The following MAMLD1 variants were observed in gnomAD, a reference collection of about 807,000 sequenced individuals.
MAMLD1 encodes the protein mastermind like domain containing 1, also known as mastermind-like domain-containing protein 1.
A neutral mutation model predicts 45.0 loss-of-function variants in MAMLD1; 14 were observed. That is an observed-to-expected ratio of 0.31 (90% CI 0.21 to 0.49). MAMLD1 has a LOEUF of 0.49. MAMLD1 is among the 20% of genes least tolerant of loss of function. MAMLD1 has a pLI of 0.99. For synonymous variants in MAMLD1, 254 were observed against 247.8 expected, an observed-to-expected ratio of 1.02 and a Z score of -0.24; for missense variants, 543 against 603.6, an observed-to-expected ratio of 0.90 and a Z score of 1.05.
Position 150,470,507 on chromosome X carries a change from G to A in MAMLD1, c.934G>A (p.Ala312Thr). The change falls in exon 4 of 8, where the codon GCC becomes ACC. Residue 312 changes from alanine (A) to threonine (T), a missense_variant. Physicochemically the swap from Ala to Thr is moderately conservative, Grantham distance 58. Coordinates refer to ENST00000370401, the MANE Select transcript of MAMLD1 (RefSeq NM_005491.5). Reference protein sequence around the residue: ...HHAHQLKALAASKQGSATKQQ... With the variant: ...HHAHQLKALATSKQGSATKQQ... ...CGCCCACCAGCTGAAGGCGTTGGCA[G>A]CCAGCAAGCAGGGGTCTGCTACAAA... The A allele has an allele frequency of 8.3e-7, 1 of 1,211,815 alleles. No homozygotes were observed. Among genetic ancestry groups the A allele is most frequent in the Non-Finnish European group, 1.1e-6 (1 of 895,535 alleles).
chrX:150,513,811 C>T lies in MAMLD1; in HGVS notation c.*1852C>T, dbSNP rs187063521. ...ATCCTCCTCCCTTTACCATTCAGAC[C>T]GAGAGAAAAAGCCCAGCTTGTGTGC... On this transcript the variant is annotated 3_prime_UTR_variant, in exon 8 of 8. Transcript: ENST00000370401. 4 of 297,367 alleles carry T rather than the reference C, an allele frequency of 1.3e-5. No individual in the cohort carries two copies. The highest frequency in any genetic ancestry group is 2.7e-5 in the African/African-American group (1 of 36,913). The allele number at this position is 297,367 out of a possible 1,213,427, so 24.5% of individuals were successfully genotyped here.
chrX:150,372,750 C>A (rs1034390718), intron 1 of MAMLD1, among the ~76,000 whole-genome samples: 1 of 112,238 alleles, frequency 8.9e-6, no homozygotes. Context: ...CTAAAGTGAA[C>A]AATCTGGTTG....
intron 1 of MAMLD1, among the ~76,000 whole-genome samples, chrX:150,368,687 G>A (rs1344436267): frequency 9.0e-6 from 1 of 111,676 alleles, no homozygotes; most frequent in Non-Finnish European, 1.9e-5. Flanking sequence ...GGGTTTTTAT[G>A]GTTTTAGGTC....
chrX:150,382,451 G>C (rs941666966), intron 1 of MAMLD1, among the ~76,000 whole-genome samples: 1 of 111,492 alleles, frequency 9.0e-6, no homozygotes, highest in East Asian at 2.8e-4. Context: ...TCTCAAAATT[G>C]TTTTAACCTA....
chrX:150,511,596 C>A (rs1165306047), intron 7 of MAMLD1, among the ~76,000 whole-genome samples: 1 of 112,331 alleles, frequency 8.9e-6, no homozygotes, highest in Non-Finnish European at 1.9e-5. Context: ...CCCACCCCAC[C>A]TGGCCCCTTC....
At chrX:150,464,347 C>T (rs1268997861) in intron 3 of MAMLD1, among the ~76,000 whole-genome samples, 4 of 111,982 alleles carry the variant, frequency 3.6e-5, no homozygotes, top group Non-Finnish European at 3.8e-5. Context: ...TAACTGACTC[C>T]TCTTGAAGCC....
intron 5 of MAMLD1, among the ~76,000 whole-genome samples, chrX:150,489,654 G>A (rs1164252681): frequency 9.2e-6 from 1 of 108,905 alleles, no homozygotes; most frequent in African/African-American, 3.4e-5. Context: ...GTTCACTGGG[G>A]CAGTGGGGGT....
chrX:150,483,625 G>A (rs1486613926), intron 5 of MAMLD1, among the ~76,000 whole-genome samples: 1 of 112,535 alleles, frequency 8.9e-6, no homozygotes, highest in Non-Finnish European at 1.9e-5. Flanking sequence ...TGACCATGAT[G>A]CATTTCTCTG....
intron 7 of MAMLD1, 31 bp from the exon 8 acceptor site, chrX:150,511,973 C>T (rs1202363369): frequency 1.9e-6 from 2 of 1,045,369 alleles, no homozygotes; most frequent in Non-Finnish European, 2.5e-6. Flanking sequence ...GCCTTTGGAA[C>T]TCATCCCCAC....
chrX:150,423,338 A>G (rs1383026964), intron 1 of MAMLD1, among the ~76,000 whole-genome samples: 5 of 86,674 alleles, frequency 5.8e-5, no homozygotes, highest in Non-Finnish European at 1.1e-4. Context: ...GGGGGGAAAA[A>G]CATTATACTC....
At chrX:150,444,162 C>G (rs2035413046) in intron 1 of MAMLD1, among the ~76,000 whole-genome samples, 2 of 111,723 alleles carry the variant, frequency 1.8e-5, no homozygotes, top group South Asian at 7.5e-4. Flanking sequence ...ACTGATACTA[C>G]TCTAGTGCGG....
chrX:150,473,886 T>G, intron 5 of MAMLD1, 84 bp downstream of exon 5: 11 of 1,010,199 alleles, frequency 1.1e-5, no homozygotes, highest in Non-Finnish European at 1.5e-5. Context: ...ATCAGCTGGC[T>G]CAGAGGGAGA....
intron 3 of MAMLD1, among the ~76,000 whole-genome samples, chrX:150,467,225 A>G (rs2036252728): frequency 8.9e-6 from 1 of 112,003 alleles, no homozygotes; most frequent in South Asian, 3.7e-4. Flanking sequence ...AAGAGACACA[A>G]TTTCAGTTTG....
intron 5 of MAMLD1, among the ~76,000 whole-genome samples, chrX:150,500,021 T>A (rs1387048270): frequency 1.8e-5 from 2 of 112,306 alleles, no homozygotes; most frequent in African/African-American, 6.5e-5. Context: ...AGTAACATAG[T>A]AAAGTTTATT....
At chrX:150,391,337 G>A (rs2033168581) in intron 1 of MAMLD1, among the ~76,000 whole-genome samples, 1 of 110,245 alleles carries the variant, frequency 9.1e-6, no homozygotes, top group East Asian at 2.8e-4. Flanking sequence ...AGATCCCTGA[G>A]CCCCCTCTTC....
At chrX:150,410,253 A>T (rs1557402787) in intron 1 of MAMLD1, among the ~76,000 whole-genome samples, 49 of 112,242 alleles carry the variant, frequency 4.4e-4, no homozygotes, top group Admixed American at 8.5e-4. Context: ...CCCCAGTAGA[A>T]TGTCTGGCAC....
At position 150,503,345 on chromosome X, in the gene MAMLD1, G is replaced by A. The variant is rs186596666; in HGVS notation, c.2112G>A (p.Pro704=). 1.8e-4 allele frequency: 223 copies of A among 1,210,859 alleles called. No individual in the cohort carries two copies. The highest frequency in any genetic ancestry group is 2.3e-4 in the Middle Eastern group (1 of 4,354). Residue 704 remains proline, a synonymous_variant, in exon 6 of 8, where the codon CCG becomes CCA. Transcript: ENST00000370401. Reference sequence around the variant, plus strand: ...AGGTCAGCCTCGGGCGACAGCCCCCGTCCTGCCAGGCCCTGGGGAGTGAGT... The same window carrying A: ...AGGTCAGCCTCGGGCGACAGCCCCCATCCTGCCAGGCCCTGGGGAGTGAGT... The part of the protein sequence containing the change: ...HPQVSLGRQP[P]SCQALGSESF...
At chrX:150,437,354 T>C (rs1325933274) in intron 1 of MAMLD1, among the ~76,000 whole-genome samples, 1 of 111,846 alleles carries the variant, frequency 8.9e-6, no homozygotes, top group Non-Finnish European at 1.9e-5. Context: ...TTTTTTAAAA[T>C]GTGTGCATTT....
chrX:150,504,418 G>A (rs1557408727), intron 6 of MAMLD1: 1 of 752,310 alleles, frequency 1.3e-6, no homozygotes, highest in Admixed American at 8.8e-5. Context: ...GCTTTGGTAT[G>A]TACAGCCTTG....
Sources: allele counts gnomAD v4.1 joint callset (sites outside exome capture counted in the v4.1 genomes callset), GRCh38; gene constraint gnomAD v4.1.1; transcripts MANE v1.5; gene names NCBI Gene and HGNC (gene_info 2026-07-23, HGNC 2026-07-21).